Variants in PRKCI observed in about 807,000 individuals in gnomAD.
The protein encoded by PRKCI is protein kinase C iota, also known as protein kinase C iota type.
PRKCI carries 43 observed loss-of-function variants against 84.0 expected under a neutral mutation model. That is an observed-to-expected ratio of 0.51 (90% CI 0.40 to 0.66). The LOEUF (loss-of-function observed/expected upper bound fraction) is 0.66. PRKCI is among the 30% of genes least tolerant of loss of function. The pLI is 0.00. For missense variants in PRKCI, 459 were observed against 745.6 expected, an observed-to-expected ratio of 0.62 and a Z score of 4.48; for synonymous variants, 216 against 234.4, an observed-to-expected ratio of 0.92 and a Z score of 0.72.
intron 12 of PRKCI, 153 bp from the exon 13 acceptor site, chr3:170,291,701 A>C: frequency 1.7e-6 from 1 of 596,634 alleles, no homozygotes; most frequent in Non-Finnish European, 3.0e-6. Flanking sequence ...TGTCAAAAAT[A>C]ATAATAATAA....
chr3:170,281,940 CAAAG>C lies in PRKCI; in HGVS notation c.1043_1046del (p.Arg348AsnfsTer16), dbSNP rs768429225. The C allele has an allele frequency of 1.2e-6, 2 of 1,611,340 alleles. No individual in the cohort carries two copies. Among genetic ancestry groups the C allele is most frequent in the Non-Finnish European group, 1.7e-6 (2 of 1,178,632 alleles). On this transcript the variant is annotated frameshift_variant, in exon 11 of 18. Transcript: ENST00000295797. LOFTEE classifies it high-confidence loss of function. ...AGACCTAATGTTTCATATGCAGCGACAAAGAAAACTTCCTGAAGAACATGCCAGG... is the reference window on the plus strand; with the variant it reads ...AGACCTAATGTTTCATATGCAGCGACAAAACTTCCTGAAGAACATGCCAGG...
intron 8 of PRKCI, among the ~76,000 whole-genome samples, chr3:170,275,830 T>TA (rs1435103243): frequency 6.6e-6 from 1 of 152,194 alleles, no homozygotes; most frequent in Non-Finnish European, 1.5e-5. Context: ...CATTTCTAGT[T>TA]ATGTCCATAA....
intron 2 of PRKCI, among the ~76,000 whole-genome samples, chr3:170,249,194 AC>A (rs1733371566): frequency 6.6e-6 from 1 of 151,848 alleles, no homozygotes; most frequent in African/African-American, 2.4e-5. Flanking sequence ...AATCATCCTA[AC>A]TGCAGAAGTC....
intron 1 of PRKCI, among the ~76,000 whole-genome samples, chr3:170,231,499 C>T (rs1006917578): frequency 6.6e-6 from 1 of 151,988 alleles, no homozygotes; most frequent in African/African-American, 2.4e-5. Context: ...GAGTCTCACT[C>T]TGTCGCCCAG....
At chr3:170,244,372 C>T (rs1240485743) in intron 2 of PRKCI, among the ~76,000 whole-genome samples, 2 of 152,094 alleles carry the variant, frequency 1.3e-5, no homozygotes, top group Admixed American at 6.6e-5. Context: ...ATGGGACCCC[C>T]TTAAGAACTC....
At chr3:170,247,856 C>T (rs1733329272) in intron 2 of PRKCI, among the ~76,000 whole-genome samples, 1 of 151,038 alleles carries the variant, frequency 6.6e-6, no homozygotes, top group Admixed American at 6.6e-5. Context: ...AAATTCACTA[C>T]TGTTGTTATT....
chr3:170,275,698 CAAAT>C (rs148465217), intron 8 of PRKCI, among the ~76,000 whole-genome samples: 2,585 of 151,844 alleles, frequency 0.017, 82 homozygotes, highest in African/African-American at 0.059. Context: ...TAAAACAAAA[CAAAT>C]AATTAAAATG....
In PRKCI at chr3:170,270,580, T is replaced by TG; in HGVS notation, c.591+19_591+20insG. 1 of 1,442,800 alleles carries TG rather than the reference T, an allele frequency of 6.9e-7. No individual in the cohort carries two copies. The highest frequency in any genetic ancestry group is 9.4e-7 in the Non-Finnish European group (1 of 1,059,812). The allele number at this position is 1,442,800 out of a possible 1,614,324, so 89.4% of individuals were successfully genotyped here. On this transcript the variant is annotated intron_variant, in intron 6 of 17. Coordinates refer to ENST00000295797, the MANE Select transcript of PRKCI (RefSeq NM_002740.6). The stretch of plus-strand genomic sequence containing the variant: ...GCCACAGGTAAGATGTCTGTCCTTT[T>TG]TTTTTTTTTTTTTTTTAAGAGCGTG...
At chr3:170,223,676 C>T (rs1338969170) in intron 1 of PRKCI, among the ~76,000 whole-genome samples, 1 of 152,050 alleles carries the variant, frequency 6.6e-6, no homozygotes, top group Non-Finnish European at 1.5e-5. Context: ...GTTAGTGTGA[C>T]CATAAAGGTT....
At chr3:170,295,205 T>G (rs754743861) in intron 14 of PRKCI, among the ~76,000 whole-genome samples, 86 of 148,418 alleles carry the variant, frequency 5.8e-4, no homozygotes, top group Non-Finnish European at 1.2e-3. Context: ...AGTGACACTC[T>G]GTCTCAAAAA....
At position 170,295,988 on chromosome 3, in the gene PRKCI, A is replaced by G; in HGVS notation, c.1495A>G (p.Lys499Glu). ...AAGTGTTCTGAAGAGTTTTCTTAAT[A>G]AGGTATAAATTGTGTATAAGAATAT... ...AASVLKSFLNKDPKERLGCHP... is the reference protein window; with the variant it reads ...AASVLKSFLNEDPKERLGCHP... The change falls in exon 15 of 18, where the codon AAG (lysine) becomes GAG (glutamate). Residue 499 changes from lysine to glutamate, a missense_variant and splice_region_variant. Physicochemically the swap from Lys to Glu is moderately conservative, Grantham distance 56. Transcript: ENST00000295797. 6.5e-7 allele frequency: 1 copy of G among 1,527,190 alleles called. No individual in the cohort carries two copies. Among genetic ancestry groups the G allele is most frequent in the Non-Finnish European group, 8.9e-7 (1 of 1,120,800 alleles). 94.6% of individuals were successfully genotyped at this position (1,527,190 alleles called of 1,614,324 possible).
chr3:170,275,065 T>C (rs1160052802), intron 7 of PRKCI, among the ~76,000 whole-genome samples, 164 bp from the exon 8 acceptor site: 1 of 152,160 alleles, frequency 6.6e-6, no homozygotes, highest in East Asian at 1.9e-4. Flanking sequence ...AATTTGTTAT[T>C]AGTAGGACAG....
intron 2 of PRKCI, among the ~76,000 whole-genome samples, chr3:170,259,584 G>A (rs892801539): frequency 6.6e-5 from 10 of 152,250 alleles, no homozygotes; most frequent in Middle Eastern, 3.4e-3. Context: ...CGAGGCAGGC[G>A]GATCACCTGA....
intron 17 of PRKCI, 107 bp from the exon 18 acceptor site, chr3:170,302,933 C>G (rs1403689527): frequency 1.2e-5 from 8 of 664,958 alleles, no homozygotes; most frequent in Non-Finnish European, 1.6e-5. Context: ...TATAGATTTC[C>G]TTTCAGTACA....
intron 2 of PRKCI, among the ~76,000 whole-genome samples, chr3:170,253,805 G>C (rs898289035): frequency 6.7e-6 from 1 of 149,278 alleles, no homozygotes; most frequent in Non-Finnish European, 1.5e-5. Flanking sequence ...AAAAAAAAAT[G>C]TCTATTCAGG....
intron 8 of PRKCI, among the ~76,000 whole-genome samples, chr3:170,275,522 G>T (rs1734094987): frequency 6.6e-6 from 1 of 152,008 alleles, no homozygotes; most frequent in African/African-American, 2.4e-5. Flanking sequence ...AGCTTAATCT[G>T]AAAATTACAA....
chr3:170,257,525 AGTATG>A (rs1379647833), intron 2 of PRKCI, among the ~76,000 whole-genome samples: 19 of 152,118 alleles, frequency 1.2e-4, no homozygotes, highest in Non-Finnish European at 1.9e-4. Flanking sequence ...ATTAAAGAGA[AGTATG>A]AAGTGAAAAA....
intron 2 of PRKCI, among the ~76,000 whole-genome samples, chr3:170,241,015 A>AC (rs1301577856): frequency 6.6e-6 from 1 of 152,090 alleles, no homozygotes; most frequent in African/African-American, 2.4e-5. Flanking sequence ...ATGTGACTTT[A>AC]TTTTTTTAAC....
In PRKCI at chr3:170,281,271, T is replaced by C. The variant is rs768374519; in HGVS notation, c.980+8T>C. The C allele has an allele frequency of 3.1e-6, 5 of 1,609,400 alleles. No homozygotes were observed. The highest frequency in any genetic ancestry group is 4.3e-6 in the Non-Finnish European group (5 of 1,175,946). On this transcript the variant is annotated splice_region_variant and intron_variant, in intron 10 of 17. Coordinates refer to ENST00000295797, the MANE Select transcript of PRKCI (RefSeq NM_002740.6). The stretch of plus-strand genomic sequence containing the variant: ...CTTTCAGACAGAAAGCAGGTAAGAT[T>C]GAAAGATAGTAGAATGATTACTGGG...
Sources: allele counts gnomAD v4.1 joint callset (sites outside exome capture counted in the v4.1 genomes callset), GRCh38; gene constraint gnomAD v4.1.1; transcripts MANE v1.5; gene names NCBI Gene and HGNC (gene_info 2026-07-23, HGNC 2026-07-21).